Variants in RWDD4 observed in about 807,000 individuals in gnomAD.
The protein encoded by RWDD4 is RWD domain containing 4.
In RWDD4, 16 loss-of-function variants were observed where a neutral mutation model predicts 30.0. That is an observed-to-expected ratio of 0.53 (90% CI 0.36 to 0.81). RWDD4 has a LOEUF of 0.81. Ranked by LOEUF, RWDD4 falls within the 30% of genes least tolerant of loss-of-function variation. The pLI, the probability that RWDD4 is intolerant of heterozygous loss-of-function variation, is 0.00. For synonymous variants in RWDD4, 45 were observed against 72.1 expected, an observed-to-expected ratio of 0.62 and a Z score of 1.90; for missense variants, 170 against 223.9, an observed-to-expected ratio of 0.76 and a Z score of 1.54.
rs1387398558 is a variant in RWDD4, at chr4:183,641,439, C to T, written c.564G>A (p.Glu188=). Residue 188 remains glutamate (E), a synonymous_variant, in exon 8 of 8, where the codon GAG becomes GAA. Transcript: ENST00000326397. ...HLSKTGSKDD[E] ...TCCTTGTCTCAAATTCCAAGTGCTA[C>T]TCATCATCCTTAGAGCCAGTTTTGC... is the stretch of plus-strand genomic sequence containing the variant. 1.2e-6 allele frequency: 2 copies of T among 1,606,376 alleles called. No homozygotes were observed. Among genetic ancestry groups the T allele is most frequent in the African/African-American group, 2.7e-5 (2 of 74,634 alleles).
chr4:183,646,261 G>C lies in RWDD4; in HGVS notation c.534+90C>G, dbSNP rs1355675823. 1.4e-5 allele frequency: 10 copies of C among 737,192 alleles called. No homozygotes were observed. In the East Asian group the frequency reaches 2.2e-4, roughly 16 times the overall value. 45.7% of individuals were successfully genotyped at this position (737,192 alleles called of 1,614,324 possible). A position where few individuals can be genotyped will look rare whatever the true frequency, so the allele number is the denominator to read the frequency against. ...ATACTATATTGTAGTTTTAACTTCT[G>C]CAAATTTTCCATTACTTAAAAAAAA... On this transcript the variant is annotated intron_variant, in intron 7 of 7. Transcript: ENST00000326397.
intron 2 of RWDD4, among the ~76,000 whole-genome samples, chr4:183,654,992 G>C (rs1388541268): frequency 6.6e-6 from 1 of 151,468 alleles, no homozygotes; most frequent in Non-Finnish European, 1.5e-5. Flanking sequence ...CCAGACTGGA[G>C]TGCAGTGGCA....
intron 4 of RWDD4, 151 bp from the exon 5 acceptor site, chr4:183,649,719 C>A: frequency 2.1e-6 from 1 of 474,340 alleles, no homozygotes; most frequent in Non-Finnish European, 3.7e-6. Context: ...ATCAAGTGCC[C>A]TTAACACATT....
Position 183,656,103 on chromosome 4 carries a change from C to T in RWDD4, c.25-142G>A, listed in dbSNP as rs564209004. On this transcript the variant is annotated intron_variant, in intron 1 of 7. Transcript: ENST00000326397. ...ACCTTAGATACTTACCACATAGGTG[C>T]ATGCAGCAACACATGACAATATTAC... is the stretch of plus-strand genomic sequence containing the variant. 1.9e-4 allele frequency: 114 copies of T among 590,422 alleles called. No individual in the cohort carries two copies. The African/African-American group carries it at 2.0e-3, about 11-fold the overall frequency. The allele number at this position is 590,422 out of a possible 1,614,324, so 36.6% of individuals were successfully genotyped here. A position where few individuals can be genotyped will look rare whatever the true frequency, so the allele number is the denominator to read the frequency against.
intron 2 of RWDD4, among the ~76,000 whole-genome samples, chr4:183,655,139 C>T: frequency 6.6e-6 from 1 of 151,746 alleles, no homozygotes; most frequent in Non-Finnish European, 1.5e-5. Context: ...CAGGGTTTCA[C>T]CTTGTTGGCC....
chr4:183,657,916 G>A (rs1734239438), intron 1 of RWDD4, among the ~76,000 whole-genome samples: 1 of 152,210 alleles, frequency 6.6e-6, no homozygotes, highest in African/African-American at 2.4e-5. Flanking sequence ...GGGGTGGAGT[G>A]CACGCATCTG....
intron 1 of RWDD4, among the ~76,000 whole-genome samples, chr4:183,657,319 C>A (rs1273058385): frequency 6.6e-6 from 1 of 152,142 alleles, no homozygotes; most frequent in Non-Finnish European, 1.5e-5. Context: ...GGAACAAAAA[C>A]CTTACTCAAG....
chr4:183,648,196 C>G (rs1315225002), intron 5 of RWDD4, among the ~76,000 whole-genome samples: 1 of 136,660 alleles, frequency 7.3e-6, no homozygotes, highest in African/African-American at 3.0e-5. Context: ...GTGATCGCGC[C>G]ACTGCACTCC....
At chr4:183,649,165 G>A (rs1734024139) in intron 5 of RWDD4, among the ~76,000 whole-genome samples, 1 of 152,056 alleles carries the variant, frequency 6.6e-6, no homozygotes. Flanking sequence ...TGTAATCCCA[G>A]CACTTTGGGA....
intron 5 of RWDD4, among the ~76,000 whole-genome samples, chr4:183,647,452 G>C (rs1290828398): frequency 2.0e-5 from 3 of 152,096 alleles, no homozygotes; most frequent in Non-Finnish European, 4.4e-5. Flanking sequence ...TGGTTATAGG[G>C]GGCACATCAC....
chr4:183,642,413 T>A lies in RWDD4; in HGVS notation c.535-945A>T, dbSNP rs560785212. Among the ~76,000 whole-genome samples, 11 of 85,390 alleles carry A rather than the reference T, an allele frequency of 1.3e-4. 5 individuals carry two copies. The highest frequency in any genetic ancestry group is 6.8e-4 in the South Asian group (2 of 2,962). The allele number at this position is 85,390 out of a possible 152,430, so 56.0% of individuals were successfully genotyped here. On this transcript the variant is annotated intron_variant, in intron 7 of 7. Transcript: ENST00000326397. Reference sequence around the variant, plus strand: ...ACCGTGTTAGCCAGGATGGTCTCGATCTCCTGACCTCGTGATCCGCCCGCC... The same window carrying A: ...ACCGTGTTAGCCAGGATGGTCTCGAACTCCTGACCTCGTGATCCGCCCGCC...
At chr4:183,643,623 T>G (rs1282304232) in intron 7 of RWDD4, among the ~76,000 whole-genome samples, 2 of 150,456 alleles carry the variant, frequency 1.3e-5, no homozygotes, top group Non-Finnish European at 1.5e-5. Context: ...TCCTTAAAAA[T>G]ATCTTCTTTC....
rs1221443054 is a variant in RWDD4, at chr4:183,639,851, C to A, written c.*1585G>T. The A allele has an allele frequency of 1.3e-5, 2 of 152,358 alleles. No individual in the cohort carries two copies. The highest frequency in any genetic ancestry group is 4.8e-5 in the African/African-American group (2 of 41,384). 9.4% of individuals were successfully genotyped at this position (152,358 alleles called of 1,614,324 possible). The stretch of plus-strand genomic sequence containing the variant: ...TCATATAAAAAGAGTAAAAATAGTT[C>A]ATTGGCATGTAACTAGCATCATTCT... On this transcript the variant is annotated 3_prime_UTR_variant, in exon 8 of 8. Transcript: ENST00000326397.
chr4:183,641,618 A>G (rs1009278622), intron 7 of RWDD4, 150 bp from the exon 8 acceptor site: 6 of 665,438 alleles, frequency 9.0e-6, no homozygotes, highest in Non-Finnish European at 1.6e-5. Flanking sequence ...TTCAACTTCA[A>G]GCTCAGCTAC....
chr4:183,648,048 G>T (rs1178734544), intron 5 of RWDD4, among the ~76,000 whole-genome samples: 2 of 152,040 alleles, frequency 1.3e-5, no homozygotes, highest in Non-Finnish European at 2.9e-5. Context: ...ATCGAGACCA[G>T]CCTGCCCAAT....
intron 1 of RWDD4, among the ~76,000 whole-genome samples, chr4:183,656,552 G>C (rs6818931): frequency 0.27 from 40,744 of 152,094 alleles, 5,487 homozygotes; most frequent in South Asian, 0.35. Flanking sequence ...ATAGTTCTTA[G>C]AACATTTTGG....
intron 4 of RWDD4, 101 bp downstream of exon 4, chr4:183,650,883 C>G: frequency 9.2e-6 from 11 of 1,200,292 alleles, no homozygotes; most frequent in Non-Finnish European, 1.3e-5. Flanking sequence ...TTTAACAAGT[C>G]TTCTTCCGAT....
Position 183,651,247 on chromosome 4 carries a change from T to G in RWDD4, c.186A>C (p.Leu62=). The G allele has an allele frequency of 6.2e-7, 1 of 1,613,524 alleles. No homozygotes were observed. The highest frequency in any genetic ancestry group is 8.5e-7 in the Non-Finnish European group (1 of 1,179,926). The change falls in exon 3 of 8, where the codon CTA becomes CTC. Residue 62 remains leucine, a synonymous_variant. Transcript: ENST00000326397. ...TGTTGTTAAAAAAAGCGTTCATAGA[T>G]AGAATTGGAGGTGTTTGGGGATATG... ...TETYPQTPPI[L]SMNAFFNNTI...
chr4:183,654,158 AGGCAT>A (rs2111248893), intron 2 of RWDD4, among the ~76,000 whole-genome samples: 1 of 152,326 alleles, frequency 6.6e-6, no homozygotes, highest in African/African-American at 2.4e-5. Flanking sequence ...ATTATGTCTA[AGGCAT>A]GTGAGTGGAG....
Sources: gnomAD v4.1 joint callset for allele counts (sites outside exome capture counted in the v4.1 genomes callset) on GRCh38, gnomAD v4.1.1 for gene constraint, MANE v1.5 for transcripts, NCBI Gene and HGNC (gene_info 2026-07-23, HGNC 2026-07-21) for gene names.